MMP20: variants seen among roughly 807,000 people sequenced by gnomAD.
The protein encoded by MMP20 is matrix metalloproteinase-20.
A neutral mutation model predicts 51.8 loss-of-function variants in MMP20; 50 were observed. The observed-to-expected ratio is 0.97, with a 90% CI of 0.77 to 1.22. MMP20 has a LOEUF of 1.22. MMP20 is among the 50% of genes most tolerant of loss of function. The pLI, the probability that MMP20 is intolerant of heterozygous loss-of-function variation, is 0.00. For synonymous variants in MMP20, 244 were observed against 216.2 expected, an observed-to-expected ratio of 1.13 and a Z score of -1.13; for missense variants, 663 against 601.4, an observed-to-expected ratio of 1.10 and a Z score of -1.07.
At chr11:102,583,983 A>G (rs915940594) in intron 8 of MMP20, among the ~76,000 whole-genome samples, 6 of 152,214 alleles carry the variant, frequency 3.9e-5, no homozygotes, top group African/African-American at 1.4e-4. Flanking sequence ...TGGCCAAATA[A>G]TATTCCATTG....
chr11:102,591,706 T>C (rs1030191400), intron 8 of MMP20, among the ~76,000 whole-genome samples: 7 of 152,198 alleles, frequency 4.6e-5, no homozygotes, highest in South Asian at 2.1e-4. Context: ...TTCTCCTTAG[T>C]AGACACTCAC....
chr11:102,614,766 G>C (rs1057123981), intron 2 of MMP20, among the ~76,000 whole-genome samples: 9 of 151,012 alleles, frequency 6.0e-5, no homozygotes, highest in African/African-American at 2.2e-4. Flanking sequence ...GGACTCACTG[G>C]TGTGCTGGAA....
chr11:102,594,345 G>T (rs1249363423), intron 7 of MMP20, among the ~76,000 whole-genome samples: 1 of 152,176 alleles, frequency 6.6e-6, no homozygotes, highest in Non-Finnish European at 1.5e-5. Flanking sequence ...GTCCTGTGTG[G>T]CAGGGACCAT....
chr11:102,577,396 G>A lies in MMP20; in HGVS notation c.1382C>T (p.Thr461Ile). Residue 461 changes from threonine (T) to isoleucine (I), a missense_variant, in exon 10 of 10, where the codon ACA becomes ATA. By Grantham distance (89) the Thr-to-Ile change is moderately conservative (BLOSUM62 -1). Transcript: ENST00000260228. ...TTCCTTCTCTGTGTCATACTTGTAT[G>A]TTTTTGGTCCTGAAAAGAAGTAAAT... ...GYIYFFSGPK[T>I]YKYDTEKEDV... 6.2e-7 allele frequency: 1 copy of A among 1,613,946 alleles called. No homozygotes were observed. Among genetic ancestry groups the A allele is most frequent in the Admixed American group, 1.7e-5 (1 of 60,016 alleles).
intron 8 of MMP20, among the ~76,000 whole-genome samples, chr11:102,592,733 G>A (rs1271756656): frequency 1.3e-5 from 2 of 152,132 alleles, no homozygotes; most frequent in African/African-American, 4.8e-5. Flanking sequence ...AGAAAACTGG[G>A]AACAGAGGAA....
intron 1 of MMP20, among the ~76,000 whole-genome samples, chr11:102,624,784 T>C (rs1859798268): frequency 6.6e-6 from 1 of 152,218 alleles, no homozygotes; most frequent in South Asian, 2.1e-4. Flanking sequence ...GAAATCTCCT[T>C]GTTGTGACCG....
intron 2 of MMP20, among the ~76,000 whole-genome samples, chr11:102,612,433 C>G (rs146931875): frequency 1.3e-5 from 2 of 152,218 alleles, no homozygotes; most frequent in African/African-American, 4.8e-5. Context: ...CGACTGCACT[C>G]CAGCCTGGGT....
At chr11:102,623,977 G>A (rs1859783671) in intron 1 of MMP20, among the ~76,000 whole-genome samples, 1 of 152,228 alleles carries the variant, frequency 6.6e-6, no homozygotes, top group Non-Finnish European at 1.5e-5. Flanking sequence ...ATCTAAAAGT[G>A]GGCTAAAGTC....
chr11:102,615,126 T>C (rs1283767397), intron 2 of MMP20, among the ~76,000 whole-genome samples: 1 of 147,290 alleles, frequency 6.8e-6, no homozygotes, highest in Non-Finnish European at 1.5e-5. Flanking sequence ...ACCTATTAAA[T>C]AATATAACAT....
At chr11:102,597,365 T>G (rs756593845) in intron 6 of MMP20, among the ~76,000 whole-genome samples, 25 of 152,246 alleles carry the variant, frequency 1.6e-4, no homozygotes, top group Non-Finnish European at 5.9e-5. Context: ...AAAGGAAAAC[T>G]GTACTCTTGA....
chr11:102,597,700 G>A (rs1160385784), intron 6 of MMP20, among the ~76,000 whole-genome samples: 3 of 152,164 alleles, frequency 2.0e-5, no homozygotes, highest in Non-Finnish European at 2.9e-5. Context: ...GTAGTGTAAT[G>A]TATATAATGT....
At chr11:102,592,357 G>A (rs1007818401) in intron 8 of MMP20, among the ~76,000 whole-genome samples, 2 of 152,180 alleles carry the variant, frequency 1.3e-5, no homozygotes, top group Non-Finnish European at 2.9e-5. Context: ...AGGGCTCTCA[G>A]TGGCCCAGAA....
In MMP20 at chr11:102,610,008, G is replaced by T; in HGVS notation, c.546C>A (p.Phe182Leu). The part of the protein sequence containing the change: ...ENGDHGDSYP[F>L]DGPRGTLAHA... Reference sequence around the variant, plus strand: ...GGGCTAGAGTCCCCCGAGGCCCATCGAATGGATAGGAATCCCCGTGATCTA... The same window carrying T: ...GGGCTAGAGTCCCCCGAGGCCCATCTAATGGATAGGAATCCCCGTGATCTA... Residue 182 changes from phenylalanine (F) to leucine (L), a missense_variant, in exon 4 of 10, where the codon TTC becomes TTA. Physicochemically the swap from Phe to Leu is conservative, Grantham distance 22. Coordinates refer to ENST00000260228, the MANE Select transcript of MMP20 (RefSeq NM_004771.4). The T allele has an allele frequency of 6.2e-7, 1 of 1,614,046 alleles. No individual in the cohort carries two copies. The highest frequency in any genetic ancestry group is 2.2e-5 in the East Asian group (1 of 44,880).
chr11:102,588,381 A>G (rs1859277979), intron 8 of MMP20, among the ~76,000 whole-genome samples: 1 of 152,106 alleles, frequency 6.6e-6, no homozygotes, highest in African/African-American at 2.4e-5. Context: ...GAAGATGTAT[A>G]TATTTGCAGC....
intron 1 of MMP20, among the ~76,000 whole-genome samples, chr11:102,622,367 T>C (rs917659099): frequency 6.6e-6 from 1 of 152,140 alleles, no homozygotes; most frequent in Non-Finnish European, 1.5e-5. Flanking sequence ...TCACCTGTCC[T>C]TGGGACTCCT....
intron 3 of MMP20, 113 bp downstream of exon 3, chr11:102,611,642 C>T (rs1859600945): frequency 7.3e-7 from 1 of 1,366,414 alleles, no homozygotes; most frequent in Non-Finnish European, 1.0e-6. Context: ...CTTGGCCCAT[C>T]ACAGCACTGT....
intron 8 of MMP20, among the ~76,000 whole-genome samples, chr11:102,584,835 T>C (rs928199725): frequency 6.6e-6 from 1 of 152,184 alleles, no homozygotes. Context: ...TCCATTCTTT[T>C]GCATGTGGCT....
In MMP20 at chr11:102,577,082, G is replaced by T; in HGVS notation, c.*244C>A. On this transcript the variant is annotated 3_prime_UTR_variant, in exon 10 of 10. Transcript: ENST00000260228. ...GAAAAAATAATGGTGTCTAACTGCA[G>T]AGTGCATTGTGTTGATTTGGATTTC... 4.2e-6 allele frequency: 2 copies of T among 480,660 alleles called. No individual in the cohort carries two copies. The highest frequency in any genetic ancestry group is 7.6e-6 in the Non-Finnish European group (2 of 263,734). 29.8% of individuals were successfully genotyped at this position (480,660 alleles called of 1,614,324 possible). A position where few individuals can be genotyped will look rare whatever the true frequency, so the allele number is the denominator to read the frequency against.
At position 102,621,768 on chromosome 11, in the gene MMP20, A is replaced by G. The variant is rs931655292; in HGVS notation, c.126+3426T>C. Among the ~76,000 whole-genome samples the G allele has an allele frequency of 2.0e-5, 3 of 152,234 alleles. No individual in the cohort carries two copies. In the South Asian group the frequency reaches 6.2e-4, roughly 32 times the overall value. On this transcript the variant is annotated intron_variant, in intron 1 of 9. Coordinates refer to ENST00000260228, the MANE Select transcript of MMP20 (RefSeq NM_004771.4). ...TTTAAAGTGATGTTATGAAAATAGT[A>G]TAAAACCAAAATTTTCTTATGACAT...
Sources: gnomAD v4.1 joint callset for allele counts (sites outside exome capture counted in the v4.1 genomes callset) on GRCh38, gnomAD v4.1.1 for gene constraint, MANE v1.5 for transcripts, NCBI Gene and HGNC (gene_info 2026-07-23, HGNC 2026-07-21) for gene names.